DNMT3B: variants seen among roughly 807,000 people sequenced by gnomAD.
DNMT3B encodes DNA (cytosine-5)-methyltransferase 3B.
Under a neutral mutation model 120.2 loss-of-function variants are expected in DNMT3B, and 37 were observed. The ratio of observed to expected loss-of-function variants is 0.31; its 90% confidence interval spans 0.24 to 0.40. DNMT3B has a LOEUF of 0.40. DNMT3B is among the 10% of genes least tolerant of loss of function. The probability of loss-of-function intolerance (pLI) is 1.00; values close to 1 mark genes in which losing one functional copy is unlikely to be tolerated. For synonymous variants in DNMT3B, 412 were observed against 442.8 expected (o/e 0.93, Z 0.87); for missense variants, 878 against 1,137.3 (o/e 0.77, Z 3.28).
At chr20:32,794,357 A>G (rs1752707464) in intron 10 of DNMT3B, among the ~76,000 whole-genome samples, 1 of 151,154 alleles carries the variant, frequency 6.6e-6, no homozygotes, top group African/African-American at 2.4e-5. Context: ...AAAAAAAAAA[A>G]AAAAAAAACC....
intron 1 of DNMT3B, among the ~76,000 whole-genome samples, chr20:32,779,007 G>T (rs2145898015): frequency 6.6e-6 from 1 of 152,298 alleles, no homozygotes; most frequent in Non-Finnish European, 1.5e-5. Context: ...TGCGAGGCTA[G>T]CACGGGTTGT....
At chr20:32,780,732 G>T (rs186242457) in intron 2 of DNMT3B, among the ~76,000 whole-genome samples, 1 of 152,128 alleles carries the variant, frequency 6.6e-6, no homozygotes. Context: ...GTCATGACAG[G>T]GGTGGTCTCA....
chr20:32,770,877 G>A (rs1420204943), intron 1 of DNMT3B, among the ~76,000 whole-genome samples: 1 of 152,138 alleles, frequency 6.6e-6, no homozygotes, highest in Non-Finnish European at 1.5e-5. Context: ...CTCCCAAAGT[G>A]CTGGGATTAC....
In DNMT3B at chr20:32,807,931, G is replaced by C; in HGVS notation, c.*28G>C. 1.2e-6 allele frequency: 2 copies of C among 1,614,016 alleles called. No individual in the cohort carries two copies. The highest frequency in any genetic ancestry group is 2.2e-5 in the South Asian group (2 of 91,084). On this transcript the variant is annotated 3_prime_UTR_variant, in exon 23 of 23. Coordinates refer to ENST00000328111, the MANE Select transcript of DNMT3B (RefSeq NM_006892.4). ...CCAGCCAGGCCCCAAGCCCACTGGG[G>C]TGTGTGGCAGAGCCAGGACCCAGGA...
rs768977355 is a variant in DNMT3B, at chr20:32,797,191, G to A, written c.1382G>A (p.Arg461His). 9 of 1,613,616 alleles carry A rather than the reference G, an allele frequency of 5.6e-6. No individual in the cohort carries two copies. Among genetic ancestry groups the A allele is most frequent in the South Asian group, 1.1e-5 (1 of 91,082 alleles). Residue 461 changes from arginine to histidine, a missense_variant, in exon 14 of 23, where the codon CGC (arginine) becomes CAC (histidine). Physicochemically the swap from Arg to His is conservative, Grantham distance 29. Around this residue, in one of 4 missense-constraint regions of DNMT3B, gnomAD observed 334 missense variants for 518.8 expected, o/e 0.64. Transcript: ENST00000328111. Reference protein sequence around the residue: ...EGGLCQTCRDRFLELFYMYDD... With the variant: ...EGGLCQTCRDHFLELFYMYDD... Reference sequence around the variant, plus strand: ...GTGTTTCTCTCTGGCTGCCAGGATCGCTTCCTTGAGCTGTTTTACATGTAT... The same window carrying A: ...GTGTTTCTCTCTGGCTGCCAGGATCACTTCCTTGAGCTGTTTTACATGTAT...
At chr20:32,763,875 C>T (rs1987131176) in intron 1 of DNMT3B, among the ~76,000 whole-genome samples, 1 of 152,302 alleles carries the variant, frequency 6.6e-6, no homozygotes, top group East Asian at 1.9e-4. Flanking sequence ...AGAGTATGAA[C>T]TTTGAGTTGC....
intron 17 of DNMT3B, 81 bp from the exon 18 acceptor site, chr20:32,800,754 C>A: frequency 6.7e-7 from 1 of 1,486,486 alleles, no homozygotes; most frequent in Non-Finnish European, 9.4e-7. Flanking sequence ...CTCGTCCAGC[C>A]CCACGCAAGA....
At chr20:32,789,131 G>T in intron 7 of DNMT3B, 119 bp downstream of exon 7, 2 of 1,430,022 alleles carry the variant, frequency 1.4e-6, no homozygotes, top group Non-Finnish European at 1.9e-6. Flanking sequence ...CCTTCACACT[G>T]TCTGGGAGGA....
intron 10 of DNMT3B, among the ~76,000 whole-genome samples, chr20:32,794,113 T>G (rs73258165): frequency 6.6e-6 from 1 of 151,950 alleles, no homozygotes; most frequent in African/African-American, 2.4e-5. Flanking sequence ...TTTCCCAGCA[T>G]TTTGGGACGC....
At chr20:32,771,929 C>T (rs1352152101) in intron 1 of DNMT3B, among the ~76,000 whole-genome samples, 1 of 152,162 alleles carries the variant, frequency 6.6e-6, no homozygotes, top group Non-Finnish European at 1.5e-5. Context: ...AGTTACCCCC[C>T]AAACCTTCCT....
chr20:32,808,022 C>T lies in DNMT3B; in HGVS notation c.*119C>T. The T allele has an allele frequency of 2.6e-6, 4 of 1,555,386 alleles. No individual in the cohort carries two copies. In the Admixed American group the frequency reaches 7.1e-5, roughly 28 times the overall value. On this transcript the variant is annotated 3_prime_UTR_variant, in exon 23 of 23. Transcript: ENST00000328111. ...CAGCTGTGTGGGTCATACCGTGTAC[C>T]TCAGTTCCCTCTTGCTCAGTGGGGG...
At chr20:32,799,026 C>T (rs1981000281) in intron 15 of DNMT3B, among the ~76,000 whole-genome samples, 1 of 152,242 alleles carries the variant, frequency 6.6e-6, no homozygotes, top group Admixed American at 6.5e-5. Context: ...GCATACATAT[C>T]TGGCTCATGT....
rs1217949504 is a variant in DNMT3B at position 32,797,048 on chromosome 20, CAGCCAGTTGTCCTTTTAA to C, written c.1378-136_1378-119del. The stretch of plus-strand genomic sequence containing the variant: ...ACAGAGGCCAATGGCACGCAGGTCA[CAGCCAGTTGTCCTTTTAA>C]AGGACACCAAGCCACCAGCAGTGTG... On this transcript the variant is annotated intron_variant, in intron 13 of 22. Transcript: ENST00000328111. The C allele has an allele frequency of 5.6e-6, 9 of 1,606,586 alleles. No individual in the cohort carries two copies. In the East Asian group the frequency reaches 1.8e-4, roughly 32 times the overall value.
chr20:32,785,659 GC>G (rs1345178969), intron 4 of DNMT3B, among the ~76,000 whole-genome samples: 1 of 152,132 alleles, frequency 6.6e-6, no homozygotes, highest in African/African-American at 2.4e-5. Context: ...GAAGATTCCA[GC>G]AACTTAACTG....
rs181487092 is a variant in DNMT3B, at chr20:32,774,461, G to A, written c.-6-5857G>A. Among the ~76,000 whole-genome samples, 6 of 149,784 alleles carry A rather than the reference G, an allele frequency of 4.0e-5. No homozygotes were observed. In the East Asian group the frequency reaches 1.2e-3, roughly 30 times the overall value. ...CCTGACCTCGTGATCTGCCCACGTC[G>A]GCCTCCCAAAGTGCTGGGATTACAG... On this transcript the variant is annotated intron_variant, in intron 1 of 22. Coordinates refer to ENST00000328111, the MANE Select transcript of DNMT3B (RefSeq NM_006892.4).
intron 1 of DNMT3B, among the ~76,000 whole-genome samples, chr20:32,766,367 T>C (rs927913362): frequency 3.3e-5 from 5 of 151,908 alleles, no homozygotes; most frequent in African/African-American, 1.2e-4. Context: ...TACGTAGATA[T>C]AGATAGCTTA....
At chr20:32,769,982 CTG>C (rs1223415391) in intron 1 of DNMT3B, among the ~76,000 whole-genome samples, 21 of 152,134 alleles carry the variant, frequency 1.4e-4, no homozygotes, top group African/African-American at 5.1e-4. Context: ...AGACAGGTCT[CTG>C]GAGTTCAGTA....
At chr20:32,772,437 T>C (rs899837892) in intron 1 of DNMT3B, among the ~76,000 whole-genome samples, 4 of 151,894 alleles carry the variant, frequency 2.6e-5, no homozygotes, top group Middle Eastern at 3.2e-3. Flanking sequence ...GTTGAGGGGG[T>C]CTCTTTCCAG....
intron 1 of DNMT3B, among the ~76,000 whole-genome samples, chr20:32,769,860 C>A (rs368221442): frequency 6.6e-6 from 1 of 152,092 alleles, no homozygotes; most frequent in Non-Finnish European, 1.5e-5. Context: ...AGGAACCATA[C>A]ATTATATAGC....
Sources: gnomAD v4.1 joint callset for allele counts (sites outside exome capture counted in the v4.1 genomes callset) on GRCh38, gnomAD v4.1.1 for gene constraint, gnomAD v4.1.1 regional missense constraint, MANE v1.5 for transcripts, NCBI Gene and HGNC (gene_info 2026-07-23, HGNC 2026-07-21) for gene names.